DNAJC17: variants seen among roughly 807,000 people sequenced by gnomAD.
The protein encoded by DNAJC17 is dnaJ homolog subfamily C member 17.
A neutral mutation model predicts 48.1 loss-of-function variants in DNAJC17; 35 were observed. That is an observed-to-expected ratio of 0.73 (90% CI 0.56 to 0.96). The LOEUF is 0.96. Ranked by LOEUF, DNAJC17 falls within the 50% of genes least tolerant of loss-of-function variation. The pLI, the probability that DNAJC17 is intolerant of heterozygous loss-of-function variation, is 0.00. For synonymous variants in DNAJC17, 117 were observed against 142.7 expected (o/e 0.82, Z 1.28); for missense variants, 355 against 377.1 (o/e 0.94, Z 0.48).
chr15:40,791,132 G>A (rs763585836), intron 1 of DNAJC17, among the ~76,000 whole-genome samples: 1 of 152,160 alleles, frequency 6.6e-6, no homozygotes, highest in Non-Finnish European at 1.5e-5. Flanking sequence ...GAGCCCAGGA[G>A]TTTGAGATCA....
intron 1 of DNAJC17, among the ~76,000 whole-genome samples, chr15:40,800,257 G>A (rs550535815): frequency 1.4e-4 from 21 of 152,212 alleles, no homozygotes; most frequent in African/African-American, 2.6e-4. Flanking sequence ...TAGTAGAGAC[G>A]GGGTTTCACC....
Position 40,767,322 on chromosome 15 carries a change from G to A in DNAJC17, c.*618C>T. The A allele has an allele frequency of 6.2e-7, 1 of 1,602,886 alleles. No individual in the cohort carries two copies. The highest frequency in any genetic ancestry group is 8.5e-7 in the Non-Finnish European group (1 of 1,175,126). On this transcript the variant is annotated 3_prime_UTR_variant, in exon 11 of 11. Transcript: ENST00000220496. The stretch of plus-strand genomic sequence containing the variant: ...TGAGCATGACGGGGGTGGGCCAGAC[G>A]CTGGTGTGGTGTCTGCACAAGGAGT...
At chr15:40,788,497 CCA>C in intron 1 of DNAJC17, among the ~76,000 whole-genome samples, 1 of 152,218 alleles carries the variant, frequency 6.6e-6, no homozygotes, top group South Asian at 2.1e-4. Flanking sequence ...GAGATCGAGA[CCA>C]TCCTGGCTAA....
At chr15:40,793,681 T>A (rs1889870932) in intron 1 of DNAJC17, among the ~76,000 whole-genome samples, 1 of 152,004 alleles carries the variant, frequency 6.6e-6, no homozygotes, top group Admixed American at 6.6e-5. Flanking sequence ...TTTCCAAGCT[T>A]ACAGTGTAAG....
At position 40,780,010 on chromosome 15, in the gene DNAJC17, G is replaced by C. The variant is rs1244675693; in HGVS notation, c.79-13C>G. ...ACGCCTTCTTTACCTGGAAGAGTCAGACAGAAGACATGGCCATTCACTCTC... is the reference window on the plus strand; with the variant it reads ...ACGCCTTCTTTACCTGGAAGAGTCACACAGAAGACATGGCCATTCACTCTC... On this transcript the variant is annotated splice_polypyrimidine_tract_variant and intron_variant, in intron 1 of 10. Coordinates refer to ENST00000220496, the MANE Select transcript of DNAJC17 (RefSeq NM_018163.3). 1 of 1,613,350 alleles carries C rather than the reference G, an allele frequency of 6.2e-7. No homozygotes were observed. The highest frequency in any genetic ancestry group is 1.1e-5 in the South Asian group (1 of 90,904).
At position 40,775,244 on chromosome 15, in the gene DNAJC17, GA is replaced by G. The variant is rs1889286477; in HGVS notation, c.523-137del. On this transcript the variant is annotated intron_variant, in intron 7 of 10. Coordinates refer to ENST00000220496, the MANE Select transcript of DNAJC17 (RefSeq NM_018163.3). ...TCCTGCAATCTGGGGAGTGCCACCAGAAACATTTTCCCCTTGGGAACTTGAA... is the reference window on the plus strand; with the variant it reads ...TCCTGCAATCTGGGGAGTGCCACCAGAACATTTTCCCCTTGGGAACTTGAA... 68 of 993,686 alleles carry G rather than the reference GA, an allele frequency of 6.8e-5. 2 individuals are homozygous for G. In the South Asian group the frequency reaches 9.2e-4, roughly 13 times the overall value. The allele number at this position is 993,686 out of a possible 1,614,324, so 61.6% of individuals were successfully genotyped here.
chr15:40,775,317 C>A, intron 7 of DNAJC17: 1 of 701,542 alleles, frequency 1.4e-6, no homozygotes, highest in Non-Finnish European at 2.4e-6. Flanking sequence ...CCCAGAAGAC[C>A]CTCTCCTGAG....
Position 40,766,410 on chromosome 15 carries a change from C to CT in DNAJC17, c.*1529dup, listed in dbSNP as rs1888950705. The CT allele has an allele frequency of 6.6e-6, 1 of 152,420 alleles. No individual in the cohort carries two copies. Among genetic ancestry groups the CT allele is most frequent in the South Asian group, 2.1e-4 (1 of 4,834 alleles). 9.4% of individuals were successfully genotyped at this position (152,420 alleles called of 1,614,324 possible). Reference sequence around the variant, plus strand: ...TAATGCCTCCATGTCTAAACTGTGACTACTGCTTCCATTCCTCCTCTCACC... The same window carrying CT: ...TAATGCCTCCATGTCTAAACTGTGACTTACTGCTTCCATTCCTCCTCTCACC... On this transcript the variant is annotated 3_prime_UTR_variant, in exon 11 of 11. Transcript: ENST00000220496.
rs1463370036 is a variant in DNAJC17 at position 40,765,234 on chromosome 15, A to G, written c.*2706T>C. On this transcript the variant is annotated 3_prime_UTR_variant, in exon 11 of 11. Coordinates refer to ENST00000220496, the MANE Select transcript of DNAJC17 (RefSeq NM_018163.3). Reference sequence around the variant, plus strand: ...TTCTTTGATTTAAAGTGTACAATTCAGTGTTGTTGTTTCTTTAGTGTACTC... The same window carrying G: ...TTCTTTGATTTAAAGTGTACAATTCGGTGTTGTTGTTTCTTTAGTGTACTC... 1 of 152,228 alleles carries G rather than the reference A, an allele frequency of 6.6e-6. No homozygotes were observed. Among genetic ancestry groups the G allele is most frequent in the Non-Finnish European group, 1.5e-5 (1 of 68,046 alleles). The allele number at this position is 152,228 out of a possible 1,614,324, so 9.4% of individuals were successfully genotyped here. A position where few individuals can be genotyped will look rare whatever the true frequency, so the allele number is the denominator to read the frequency against.
chr15:40,775,540 T>C lies in DNAJC17; in HGVS notation c.522+13A>G, dbSNP rs767033831. ...TGAGTGTGAGGTGGCCCACAGATCCTGCCCAGGCTCACCTTTAGTTTGGGG... is the reference window on the plus strand; with the variant it reads ...TGAGTGTGAGGTGGCCCACAGATCCCGCCCAGGCTCACCTTTAGTTTGGGG... On this transcript the variant is annotated intron_variant, in intron 7 of 10. Coordinates refer to ENST00000220496, the MANE Select transcript of DNAJC17 (RefSeq NM_018163.3). The C allele has an allele frequency of 1.2e-6, 2 of 1,613,498 alleles. No homozygotes were observed. Among genetic ancestry groups the C allele is most frequent in the East Asian group, 2.2e-5 (1 of 44,900 alleles).
At chr15:40,785,078 G>A (rs1889605081) in intron 1 of DNAJC17, among the ~76,000 whole-genome samples, 1 of 151,938 alleles carries the variant, frequency 6.6e-6, no homozygotes, top group African/African-American at 2.4e-5. Flanking sequence ...AGCCTGGGAG[G>A]GAAGAGTGAA....
intron 1 of DNAJC17, among the ~76,000 whole-genome samples, chr15:40,805,087 T>C (rs898907337): frequency 5.3e-5 from 8 of 150,558 alleles, no homozygotes; most frequent in African/African-American, 2.0e-4. Context: ...ACTAATTAAA[T>C]AATTTGCAGG....
At chr15:40,793,380 A>G (rs1566828920) in intron 1 of DNAJC17, among the ~76,000 whole-genome samples, 1 of 152,106 alleles carries the variant, frequency 6.6e-6, no homozygotes, top group African/African-American at 2.4e-5. Context: ...GTCAGAAGTC[A>G]GAAGTGGTAT....
chr15:40,774,175 C>T (rs1889249012), intron 9 of DNAJC17, 181 bp downstream of exon 9: 1 of 689,718 alleles, frequency 1.4e-6, no homozygotes, highest in Non-Finnish European at 2.5e-6. Flanking sequence ...CCCATCCATC[C>T]CTTCACACAC....
chr15:40,792,432 C>A (rs919174612), intron 1 of DNAJC17: 1 of 981,804 alleles, frequency 1.0e-6, no homozygotes, highest in East Asian at 1.1e-4. Flanking sequence ...TTTCAAACAT[C>A]TGGCTTCCCC....
At chr15:40,773,531 G>C (rs981671387) in intron 10 of DNAJC17, among the ~76,000 whole-genome samples, 196 bp downstream of exon 10, 6 of 152,202 alleles carry the variant, frequency 3.9e-5, no homozygotes, top group Non-Finnish European at 7.3e-5. Context: ...AATACAGTGT[G>C]GGTGGGGCCT....
chr15:40,775,089 T>G lies in DNAJC17; in HGVS notation c.542A>C (p.Lys181Thr). 6.2e-7 allele frequency: 1 copy of G among 1,614,158 alleles called. No homozygotes were observed. The highest frequency in any genetic ancestry group is 8.5e-7 in the Non-Finnish European group (1 of 1,180,004). Residue 181 changes from lysine to threonine, a missense_variant, in exon 8 of 11, where the codon AAG becomes ACG. Coordinates refer to ENST00000220496, the MANE Select transcript of DNAJC17 (RefSeq NM_018163.3). ...GTAGCCACCTTTTGACTCATCCTCC[T>G]TCTTGCACTTCCATTTTAGCTGAAA... is the stretch of plus-strand genomic sequence containing the variant. The part of the protein sequence containing the change: ...PKLKLKWKCK[K>T]EDESKGGYSK...
At chr15:40,802,727 C>T (rs1890105304) in intron 1 of DNAJC17, among the ~76,000 whole-genome samples, 1 of 152,222 alleles carries the variant, frequency 6.6e-6, no homozygotes, top group East Asian at 1.9e-4. Context: ...TGCCACTAAC[C>T]ACCTTCTCCG....
At chr15:40,795,639 G>GT (rs750508099) in intron 1 of DNAJC17, among the ~76,000 whole-genome samples, 1 of 152,204 alleles carries the variant, frequency 6.6e-6, no homozygotes, top group Non-Finnish European at 1.5e-5. Context: ...GCTCACACCT[G>GT]TAATCCCAGC....
Sources: allele counts gnomAD v4.1 joint callset (sites outside exome capture counted in the v4.1 genomes callset), GRCh38; gene constraint gnomAD v4.1.1; transcripts MANE v1.5; gene names NCBI Gene and HGNC (gene_info 2026-07-23, HGNC 2026-07-21).